TENM3: variants seen among roughly 807,000 people sequenced by gnomAD.
TENM3 encodes teneurin transmembrane protein 3, also known as teneurin-3.
In TENM3, 63 loss-of-function variants were observed where a neutral mutation model predicts 255.1. The observed-to-expected ratio is 0.25, with a 90% CI of 0.20 to 0.30. The LOEUF is 0.30. Ranked by LOEUF, TENM3 falls within the 10% of genes least tolerant of loss-of-function variation. TENM3 has a pLI of 1.00. For synonymous variants in TENM3, 1,306 were observed against 1,322.3 expected, an observed-to-expected ratio of 0.99 and a Z score of 0.27; for missense variants, 2,929 against 3,461.1, an observed-to-expected ratio of 0.85 and a Z score of 3.86.
chr4:182,121,353 T>C, the TENM3 span, among the ~76,000 whole-genome samples: 2 of 151,936 alleles, frequency 1.3e-5, no homozygotes, highest in Non-Finnish European at 2.9e-5. Context: ...ATATAGACAA[T>C]AAGGAGTCAG....
At chr4:182,457,098 T>C (rs1773935893) in intron 3 of TENM3, among the ~76,000 whole-genome samples, 1 of 150,918 alleles carries the variant, frequency 6.6e-6, no homozygotes, top group African/African-American at 2.4e-5. Flanking sequence ...GGCAGGAGAA[T>C]CTCTTGCACC....
chr4:182,014,188 G>A, the TENM3 span, among the ~76,000 whole-genome samples: 71 of 146,928 alleles, frequency 4.8e-4, no homozygotes, highest in Non-Finnish European at 9.1e-4. Context: ...ATATGTGTGT[G>A]TATATATATA....
At chr4:182,591,690 G>A (rs1279092164) in intron 3 of TENM3, among the ~76,000 whole-genome samples, 3 of 152,114 alleles carry the variant, frequency 2.0e-5, no homozygotes, top group Admixed American at 6.5e-5. Flanking sequence ...TTGAAACACT[G>A]GGCTTGTGTG....
intron 3 of TENM3, among the ~76,000 whole-genome samples, chr4:182,435,086 C>T (rs1049214906): frequency 6.6e-6 from 1 of 152,134 alleles, no homozygotes; most frequent in Non-Finnish European, 1.5e-5. Flanking sequence ...TCAAACACAT[C>T]GAGAATGCTA....
chr4:182,592,593 C>T (rs756790021), intron 3 of TENM3, among the ~76,000 whole-genome samples: 12 of 152,150 alleles, frequency 7.9e-5, no homozygotes, highest in Non-Finnish European at 1.6e-4. Context: ...GGCGTGTTGG[C>T]GCACGCCTGT....
chr4:181,570,106 C>T, the TENM3 span, among the ~76,000 whole-genome samples: 3 of 144,182 alleles, frequency 2.1e-5, no homozygotes, highest in African/African-American at 5.3e-5. Context: ...ACTGCAGTGG[C>T]ACAATCTCGG....
Position 182,215,448 on chromosome 4 carries a change from G to A in TENM3, c.-76+70694G>A, listed in dbSNP as rs1285369170. ...GTTTTGTTGAGCTCATCATGTGGTG[G>A]TGTTTTGCTTTAAAAAGGGTACTGT... On this transcript the variant is annotated intron_variant, in intron 1 of 2. Coordinates refer to the TENM3 transcript ENST00000512480. Among the ~76,000 whole-genome samples the A allele has an allele frequency of 2.6e-5, 4 of 152,134 alleles. No individual in the cohort carries two copies. In the East Asian group the frequency reaches 7.7e-4, roughly 29 times the overall value.
At chr4:182,266,331 T>C (rs1250743647) in intron 1 of TENM3, among the ~76,000 whole-genome samples, 1 of 152,240 alleles carries the variant, frequency 6.6e-6, no homozygotes, top group Admixed American at 6.5e-5. Flanking sequence ...TTTTTCTGCC[T>C]AAATTAAAAT....
chr4:181,813,487 A>C, the TENM3 span, among the ~76,000 whole-genome samples: 2 of 152,238 alleles, frequency 1.3e-5, no homozygotes, highest in Non-Finnish European at 2.9e-5. Context: ...GGCAGTGTTG[A>C]AATCTAAATT....
At chr4:181,983,694 C>T in the TENM3 span, among the ~76,000 whole-genome samples, 1 of 152,070 alleles carries the variant, frequency 6.6e-6, no homozygotes, top group Non-Finnish European at 1.5e-5. Context: ...ATTTCCGATG[C>T]AATCTACTTC....
At chr4:181,605,548 AAG>A in the TENM3 span, among the ~76,000 whole-genome samples, 1 of 31,956 alleles carries the variant, frequency 3.1e-5, no homozygotes, top group Non-Finnish European at 8.5e-5. Flanking sequence ...GAAAGAAAGA[AAG>A]AAAGAAAGAA....
the TENM3 span, among the ~76,000 whole-genome samples, chr4:181,699,510 A>G: frequency 1.3e-5 from 2 of 150,216 alleles, no homozygotes; most frequent in African/African-American, 4.9e-5. Context: ...ATACATTGCT[A>G]ATATAATACA....
chr4:181,813,048 C>G, the TENM3 span, among the ~76,000 whole-genome samples: 1 of 152,176 alleles, frequency 6.6e-6, no homozygotes, highest in Non-Finnish European at 1.5e-5. Flanking sequence ...GACTGGGTGG[C>G]TTACAAACAA....
the TENM3 span, among the ~76,000 whole-genome samples, chr4:182,062,396 C>T: frequency 6.6e-5 from 10 of 152,120 alleles, no homozygotes; most frequent in Admixed American, 1.3e-4. Flanking sequence ...TCAATTTCAG[C>T]GATAAAATCC....
At chr4:182,652,162 T>C (rs1178607927) in intron 5 of TENM3, among the ~76,000 whole-genome samples, 1 of 152,240 alleles carries the variant, frequency 6.6e-6, no homozygotes, top group Non-Finnish European at 1.5e-5. Context: ...CAGATACTTA[T>C]TGAGACCTAC....
chr4:181,690,060 A>T, the TENM3 span, among the ~76,000 whole-genome samples: 1 of 152,152 alleles, frequency 6.6e-6, no homozygotes, highest in Non-Finnish European at 1.5e-5. Flanking sequence ...ATAAAATGTG[A>T]TTCCCAGGCA....
intron 4 of TENM3, among the ~76,000 whole-genome samples, chr4:182,613,742 G>A (rs898611840): frequency 3.3e-5 from 5 of 152,102 alleles, no homozygotes; most frequent in Non-Finnish European, 5.9e-5. Flanking sequence ...ATTATAAATG[G>A]ATACAAAGGC....
the TENM3 span, among the ~76,000 whole-genome samples, chr4:181,827,915 C>A: frequency 3.3e-5 from 5 of 152,080 alleles, no homozygotes; most frequent in East Asian, 9.6e-4. Context: ...GTGACTGGAA[C>A]AGTAGTGGGA....
chr4:182,624,352 G>GCCTGCAAA (rs1750619611), intron 4 of TENM3, among the ~76,000 whole-genome samples: 1 of 152,180 alleles, frequency 6.6e-6, no homozygotes, highest in Non-Finnish European at 1.5e-5. Context: ...TTGGCCATGG[G>GCCTGCAAA]CCTGCAAACC....
Sources: gnomAD v4.1 joint callset for allele counts (sites outside exome capture counted in the v4.1 genomes callset) on GRCh38, gnomAD v4.1.1 for gene constraint, MANE v1.5 for transcripts, NCBI Gene and HGNC (gene_info 2026-07-23, HGNC 2026-07-21) for gene names.